The following COL1A2 variants were observed in gnomAD, a reference collection of about 807,000 sequenced individuals.
COL1A2 encodes collagen type I alpha 2 chain.
A neutral mutation model predicts 174.3 loss-of-function variants in COL1A2; 49 were observed. That is an observed-to-expected ratio of 0.28 (90% CI 0.22 to 0.36). COL1A2 has a LOEUF of 0.36. Ranked by LOEUF, COL1A2 falls within the 10% of genes least tolerant of loss-of-function variation. The pLI, the probability that COL1A2 is intolerant of heterozygous loss-of-function variation, is 1.00. For synonymous variants in COL1A2, 655 were observed against 606.6 expected, an observed-to-expected ratio of 1.08 and a Z score of -1.17; for missense variants, 1,438 against 1,822.7, an observed-to-expected ratio of 0.79 and a Z score of 3.84.
chr7:94,425,562 G>T (rs1792255116), intron 42 of COL1A2, 48 bp from the exon 43 acceptor site: 12 of 1,583,104 alleles, frequency 7.6e-6, no homozygotes, highest in Non-Finnish European at 1.0e-5. Flanking sequence ...GGGGCTGGTA[G>T]GCAGCAGAGC....
intron 12 of COL1A2, among the ~76,000 whole-genome samples, 164 bp from the exon 13 acceptor site, chr7:94,407,683 T>A (rs1487101106): frequency 6.6e-6 from 1 of 152,210 alleles, no homozygotes; most frequent in Non-Finnish European, 1.5e-5. Context: ...GTTAGCACAT[T>A]TTAAAATCTG....
At chr7:94,418,388 A>G (rs1375862991) in intron 32 of COL1A2, 111 bp from the exon 33 acceptor site, 5 of 810,306 alleles carry the variant, frequency 6.2e-6, no homozygotes, top group Non-Finnish European at 1.1e-5. Context: ...AAAATCTTAA[A>G]TGACTGAAGG....
chr7:94,404,067 A>G (rs531159777), intron 6 of COL1A2, among the ~76,000 whole-genome samples: 158 of 152,334 alleles, frequency 1.0e-3, no homozygotes, highest in South Asian at 4.3e-3. Flanking sequence ...CGATAAGGTT[A>G]TAACAAACTT....
rs960260064 is a variant in COL1A2, at chr7:94,425,730, C to T, written c.2836-20C>T. The T allele has an allele frequency of 6.2e-7, 1 of 1,613,882 alleles. No individual in the cohort carries two copies. Among genetic ancestry groups the T allele is most frequent in the African/African-American group, 1.3e-5 (1 of 75,046 alleles). ...AAATGCAACCCAGATTGATGCTAAG[C>T]TTCATTTTGCCTTTGGTAGGGAGAG... On this transcript the variant is annotated intron_variant, in intron 43 of 51. Coordinates refer to ENST00000297268, the MANE Select transcript of COL1A2 (RefSeq NM_000089.4).
At position 94,430,442 on chromosome 7, in the gene COL1A2, C is replaced by G. The variant is rs1792376220; in HGVS notation, c.*49C>G. 1 of 1,583,518 alleles carries G rather than the reference C, an allele frequency of 6.3e-7. No homozygotes were observed. The highest frequency in any genetic ancestry group is 8.6e-7 in the Non-Finnish European group (1 of 1,158,272). ...AGAAAGAAATTTGAAAAAACTTTCT[C>G]TTTGCCATTTCTTCTTCTTCTTTTT... On this transcript the variant is annotated 3_prime_UTR_variant, in exon 52 of 52. Transcript: ENST00000297268.
At chr7:94,421,758 C>A in intron 38 of COL1A2, 141 bp from the exon 39 acceptor site, 4 of 665,772 alleles carry the variant, frequency 6.0e-6, no homozygotes, top group Non-Finnish European at 1.1e-5. Flanking sequence ...TAAATAATGC[C>A]CTATATGAAG....
At position 94,425,791 on chromosome 7, in the gene COL1A2, T is replaced by G. The variant is rs1383561917; in HGVS notation, c.2877T>G (p.Ala959=). Residue 959 remains alanine, a synonymous_variant, in exon 44 of 52, where the codon GCT becomes GCG. Transcript: ENST00000297268. ...GYPGNIGPVG[A]AGAPGPHGPV... The stretch of plus-strand genomic sequence containing the variant: ...CTGGCAATATTGGTCCCGTTGGTGC[T>G]GCAGGTGCACCTGGTCCTCATGGCC... 4 of 1,613,228 alleles carry G rather than the reference T, an allele frequency of 2.5e-6. No individual in the cohort carries two copies. The South Asian group carries it at 4.4e-5, about 18-fold the overall frequency.
At chr7:94,430,202 A>C (rs761967693) in intron 51 of COL1A2, 45 bp from the exon 52 acceptor site, 1 of 1,583,368 alleles carries the variant, frequency 6.3e-7, no homozygotes, top group Non-Finnish European at 8.7e-7. Context: ...TATCAGATTC[A>C]GAAATAGTGA....
rs1342960126 is a variant in COL1A2 at position 94,419,549 on chromosome 7, C to T, written c.2077C>T (p.Arg693Trp). ...APGPAGATGD[R>W]GEAGAAGPAG... is the part of the protein sequence containing the mutation. ...TGGTCCTGCTGGAGCCACAGGTGAC[C>T]GGGTAAGCATGCATTTTCACTAAGC... Residue 693 changes from arginine (R) to tryptophan (W), a missense_variant and splice_region_variant, in exon 34 of 52, where the codon CGG becomes TGG. Transcript: ENST00000297268. 9 of 1,613,842 alleles carry T rather than the reference C, an allele frequency of 5.6e-6. No individual in the cohort carries two copies. The highest frequency in any genetic ancestry group is 5.0e-5 in the Admixed American group (3 of 59,976).
At chr7:94,406,440 C>A in intron 12 of COL1A2, 137 bp downstream of exon 12, 2 of 752,142 alleles carry the variant, frequency 2.7e-6, no homozygotes, top group South Asian at 3.2e-5. Context: ...TACTTCAAAT[C>A]CCTCAAGGAT....
rs751257755 is a variant in COL1A2 at position 94,411,116 on chromosome 7, G to A, written c.1312G>A (p.Ala438Thr). The A allele has an allele frequency of 1.2e-6, 2 of 1,602,644 alleles. No homozygotes were observed. The highest frequency in any genetic ancestry group is 2.2e-5 in the South Asian group (2 of 89,254). Residue 438 changes from alanine (A) to threonine (T), a missense_variant, in exon 23 of 52, where the codon GCT (alanine) becomes ACT (threonine). By Grantham distance (58) the Ala-to-Thr change is moderately conservative. Transcript: ENST00000297268. ...PAGVRGPNGD[A>T]GRPGEPGLMG... Reference sequence around the variant, plus strand: ...TGGAGTCCGAGGACCTAATGGAGATGCTGGTCGCCCTGGGGAGCCTGGTCT... The same window carrying A: ...TGGAGTCCGAGGACCTAATGGAGATACTGGTCGCCCTGGGGAGCCTGGTCT...
chr7:94,410,185 G>A (rs1227003097), intron 19 of COL1A2, 57 bp from the exon 20 acceptor site: 1 of 1,553,778 alleles, frequency 6.4e-7, no homozygotes, highest in African/African-American at 1.4e-5. Flanking sequence ...AGATTTGTCT[G>A]CAAGAGAGTT....
In COL1A2 at chr7:94,401,558, C is replaced by A; in HGVS notation, c.226-9C>A. The A allele has an allele frequency of 7.6e-7, 1 of 1,311,190 alleles. No individual in the cohort carries two copies. Among genetic ancestry groups the A allele is most frequent in the Non-Finnish European group, 9.8e-7 (1 of 1,017,686 alleles). 81.2% of individuals were successfully genotyped at this position (1,311,190 alleles called of 1,614,324 possible). A position where few individuals can be genotyped will look rare whatever the true frequency, so the allele number is the denominator to read the frequency against. On this transcript the variant is annotated splice_polypyrimidine_tract_variant and intron_variant, in intron 5 of 51. Transcript: ENST00000297268. ...ATATATATATAATTTTTTTTTTTTACTTCTCTAGAACTTTGCTGCTCAGTA... is the reference window on the plus strand; with the variant it reads ...ATATATATATAATTTTTTTTTTTTAATTCTCTAGAACTTTGCTGCTCAGTA...
In COL1A2 at chr7:94,418,488, T is replaced by A. The variant is rs776461608; in HGVS notation, c.1972-11T>A. The A allele has an allele frequency of 6.2e-7, 1 of 1,613,754 alleles. No individual in the cohort carries two copies. The highest frequency in any genetic ancestry group is 2.2e-5 in the East Asian group (1 of 44,850). The stretch of plus-strand genomic sequence containing the variant: ...AGAAAACAAAAAGTTGCTCTTGCTT[T>A]ATACTTTCAGGGTGAACCTGGTCTC... On this transcript the variant is annotated splice_polypyrimidine_tract_variant and intron_variant, in intron 32 of 51. Coordinates refer to ENST00000297268, the MANE Select transcript of COL1A2 (RefSeq NM_000089.4).
At chr7:94,397,786 A>T (rs369116564) in intron 2 of COL1A2, 28 bp downstream of exon 2, 2 of 1,264,558 alleles carry the variant, frequency 1.6e-6, no homozygotes, top group East Asian at 2.4e-5. Flanking sequence ...TAGAATTTTT[A>T]AAAATACTTT....
chr7:94,419,653 G>T, intron 34 of COL1A2, 102 bp downstream of exon 34: 1 of 1,283,070 alleles, frequency 7.8e-7, no homozygotes, highest in Non-Finnish European at 1.1e-6. Context: ...TTGGTATAAA[G>T]CCTACTTATT....
chr7:94,408,884 T>C, intron 16 of COL1A2, 61 bp downstream of exon 16: 7 of 1,450,524 alleles, frequency 4.8e-6, no homozygotes, highest in South Asian at 2.3e-5. Context: ...ATGTGAAAGA[T>C]TGGAACTGTG....
In COL1A2 at chr7:94,407,905, A is replaced by G; in HGVS notation, c.639+14A>G. ...CCAGGTCAAACAGTAAGTATTGACT[A>G]CTTCATTGTAAATTTAAATGTGTAC... On this transcript the variant is annotated intron_variant, in intron 13 of 51. Coordinates refer to ENST00000297268, the MANE Select transcript of COL1A2 (RefSeq NM_000089.4). 1 of 1,609,118 alleles carries G rather than the reference A, an allele frequency of 6.2e-7. No homozygotes were observed.
At chr7:94,418,375 C>G (rs757062337) in intron 32 of COL1A2, 124 bp from the exon 33 acceptor site, 215 of 757,182 alleles carry the variant, frequency 2.8e-4, no homozygotes, top group Non-Finnish European at 4.5e-4. Flanking sequence ...CGAGACATTG[C>G]TAAAAATCTT....
Sources: gnomAD v4.1 joint callset for allele counts (sites outside exome capture counted in the v4.1 genomes callset) on GRCh38, gnomAD v4.1.1 for gene constraint, MANE v1.5 for transcripts, NCBI Gene and HGNC (gene_info 2026-07-23, HGNC 2026-07-21) for gene names.